Variants in MTUS2 observed in about 807,000 individuals in gnomAD.
MTUS2 encodes microtubule-associated tumor suppressor candidate 2.
A neutral mutation model predicts 114.1 loss-of-function variants in MTUS2; 40 were observed. That is an observed-to-expected ratio of 0.35 (90% CI 0.27 to 0.46). The LOEUF (loss-of-function observed/expected upper bound fraction) is 0.46. Among genes scored for constraint, MTUS2 ranks in the 20% least tolerant of loss-of-function variants. The pLI is 1.00. For missense variants in MTUS2, 1,679 were observed against 1,705.4 expected (o/e 0.98, Z 0.27); for synonymous variants, 688 against 672.0 (o/e 1.02, Z -0.37).
At chr13:28,827,332 C>T (rs768421884) in intron 1 of MTUS2, among the ~76,000 whole-genome samples, 1 of 152,116 alleles carries the variant, frequency 6.6e-6, no homozygotes, top group Non-Finnish European at 1.5e-5. Flanking sequence ...ATTAGTTTAA[C>T]TGGCAGGTAG....
At chr13:29,385,263 C>T (rs1251938168) in intron 8 of MTUS2, among the ~76,000 whole-genome samples, 1 of 152,190 alleles carries the variant, frequency 6.6e-6, no homozygotes, top group East Asian at 1.9e-4. Context: ...TTTCATTGTC[C>T]CTGTGGTCCC....
chr13:29,315,279 A>G (rs1899939493), intron 6 of MTUS2, among the ~76,000 whole-genome samples: 2 of 152,198 alleles, frequency 1.3e-5, no homozygotes, highest in Admixed American at 6.5e-5. Context: ...AGTTAATTAT[A>G]CACTATTGCA....
chr13:29,392,607 T>C (rs771119223), intron 8 of MTUS2, among the ~76,000 whole-genome samples: 9 of 152,230 alleles, frequency 5.9e-5, no homozygotes, highest in Non-Finnish European at 1.0e-4. Flanking sequence ...TGTATATTTA[T>C]ATGAGTTTTA....
intron 9 of MTUS2, among the ~76,000 whole-genome samples, chr13:29,478,579 A>G (rs947202028): frequency 4.0e-4 from 61 of 152,298 alleles, no homozygotes; most frequent in African/African-American, 1.5e-3. Flanking sequence ...TTTTTCCATC[A>G]ATATTGTTTA....
intron 5 of MTUS2, among the ~76,000 whole-genome samples, chr13:29,221,568 C>G (rs1895909258): frequency 6.6e-6 from 1 of 151,850 alleles, no homozygotes; most frequent in African/African-American, 2.4e-5. Context: ...TATCTTTTTC[C>G]TATTTTAGAC....
At chr13:29,265,217 T>C (rs1331485691) in intron 5 of MTUS2, among the ~76,000 whole-genome samples, 1 of 152,212 alleles carries the variant, frequency 6.6e-6, no homozygotes, top group Non-Finnish European at 1.5e-5. Context: ...ATGAACAGAA[T>C]GCAGCCAAGC....
chr13:28,848,002 C>G (rs1876002490), intron 2 of MTUS2, among the ~76,000 whole-genome samples: 1 of 152,186 alleles, frequency 6.6e-6, no homozygotes, highest in Non-Finnish European at 1.5e-5. Context: ...ATACACTTAT[C>G]TGCAGGATAA....
At chr13:29,257,711 C>T (rs936602964) in intron 5 of MTUS2, among the ~76,000 whole-genome samples, 1 of 152,242 alleles carries the variant, frequency 6.6e-6, no homozygotes, top group Non-Finnish European at 1.5e-5. Context: ...TGAATACCTA[C>T]TGACATGTCA....
intron 8 of MTUS2, among the ~76,000 whole-genome samples, chr13:29,367,427 A>G (rs1158283853): frequency 6.6e-6 from 1 of 152,144 alleles, no homozygotes; most frequent in East Asian, 1.9e-4. Context: ...ATCTTAAATA[A>G]AAGAGAGGAG....
chr13:28,868,802 A>T (rs1205197924), intron 2 of MTUS2, among the ~76,000 whole-genome samples: 1 of 152,218 alleles, frequency 6.6e-6, no homozygotes, highest in African/African-American at 2.4e-5. Flanking sequence ...ATTCAGTTTT[A>T]TATAAGGTCC....
chr13:28,990,942 A>G (rs1440885568), intron 2 of MTUS2, among the ~76,000 whole-genome samples: 2 of 151,850 alleles, frequency 1.3e-5, no homozygotes, highest in Non-Finnish European at 2.9e-5. Flanking sequence ...CGCCACCTTT[A>G]AGAGCTGTAG....
intron 1 of MTUS2, among the ~76,000 whole-genome samples, chr13:28,834,824 T>C (rs1021618107): frequency 2.0e-5 from 3 of 152,170 alleles, no homozygotes; most frequent in African/African-American, 4.8e-5. Flanking sequence ...CATTCAGCAG[T>C]ATAACTTTTT....
At chr13:29,210,951 A>T (rs1895404909) in intron 5 of MTUS2, among the ~76,000 whole-genome samples, 1 of 152,206 alleles carries the variant, frequency 6.6e-6, no homozygotes. Context: ...GCAGTAGTGT[A>T]GGGAGGATAC....
chr13:28,896,712 C>A (rs866650472), intron 2 of MTUS2, among the ~76,000 whole-genome samples: 1 of 152,218 alleles, frequency 6.6e-6, no homozygotes, highest in African/African-American at 2.4e-5. Flanking sequence ...AGATATAGAC[C>A]AATGGAACAG....
chr13:29,501,888 C>T (rs1040634180), intron 15 of MTUS2, among the ~76,000 whole-genome samples: 1 of 151,938 alleles, frequency 6.6e-6, no homozygotes, highest in Non-Finnish European at 1.5e-5. Flanking sequence ...CTCAGGCACA[C>T]TCTCATACAC....
intron 5 of MTUS2, among the ~76,000 whole-genome samples, chr13:29,128,945 G>A (rs1171340336): frequency 5.3e-5 from 8 of 152,068 alleles, no homozygotes; most frequent in Non-Finnish European, 2.9e-5. Flanking sequence ...CCTTTATATT[G>A]TGCATCAAAG....
At chr13:29,171,986 TC>T (rs1411177835) in intron 5 of MTUS2, among the ~76,000 whole-genome samples, 1 of 152,200 alleles carries the variant, frequency 6.6e-6, no homozygotes, top group East Asian at 1.9e-4. Flanking sequence ...CTGGGAAAGG[TC>T]CTGTTTCTTC....
intron 9 of MTUS2, among the ~76,000 whole-genome samples, chr13:29,456,399 T>C (rs899156715): frequency 6.6e-6 from 1 of 152,188 alleles, no homozygotes; most frequent in Non-Finnish European, 1.5e-5. Context: ...AACTGAGTTT[T>C]CAGAAGGACA....
intron 5 of MTUS2, among the ~76,000 whole-genome samples, chr13:29,260,884 G>A (rs1392023145): frequency 6.6e-6 from 1 of 152,172 alleles, no homozygotes; most frequent in Non-Finnish European, 1.5e-5. Flanking sequence ...GCATCTAGTG[G>A]GTAGAGGCCG....
Sources: allele counts gnomAD v4.1 joint callset (sites outside exome capture counted in the v4.1 genomes callset), GRCh38; gene constraint gnomAD v4.1.1; transcripts MANE v1.5; gene names NCBI Gene and HGNC (gene_info 2026-07-23, HGNC 2026-07-21).